The following USP37 variants were observed in gnomAD, a reference collection of about 807,000 sequenced individuals.
USP37 encodes the protein ubiquitin specific peptidase 37.
Under a neutral mutation model 124.0 loss-of-function variants are expected in USP37, and 27 were observed. The observed-to-expected ratio is 0.22, with a 90% CI of 0.16 to 0.30. USP37 has a LOEUF of 0.30. USP37 is among the 10% of genes least tolerant of loss of function. The probability of loss-of-function intolerance (pLI) is 1.00; values close to 1 mark genes in which losing one functional copy is unlikely to be tolerated. For missense variants in USP37, 889 were observed against 1,140.4 expected (o/e 0.78, Z 3.17); for synonymous variants, 365 against 388.0 (o/e 0.94, Z 0.70).
rs1483605537 is a variant in USP37 at position 218,454,890 on chromosome 2, CA to C, written c.*39del. Reference sequence around the variant, plus strand: ...GGAAAGGTGAGGTGGGCAGCAGTAACAAATATGCAGTGCATGCTGCCAACCC... The same window carrying C: ...GGAAAGGTGAGGTGGGCAGCAGTAACAATATGCAGTGCATGCTGCCAACCC... On this transcript the variant is annotated 3_prime_UTR_variant, in exon 26 of 26. Transcript: ENST00000258399. 1 of 1,605,334 alleles carries C rather than the reference CA, an allele frequency of 6.2e-7. No homozygotes were observed. The highest frequency in any genetic ancestry group is 2.2e-5 in the East Asian group (1 of 44,824).
chr2:218,484,453 C>T (rs1377707887), intron 16 of USP37, among the ~76,000 whole-genome samples: 3 of 151,946 alleles, frequency 2.0e-5, no homozygotes, highest in Non-Finnish European at 4.4e-5. Context: ...AAAACCCCGT[C>T]TCTACTAAAA....
chr2:218,460,872 C>T (rs750232312), intron 22 of USP37, among the ~76,000 whole-genome samples: 6 of 151,810 alleles, frequency 4.0e-5, no homozygotes, highest in African/African-American at 1.2e-4. Flanking sequence ...ACCCGGGAGG[C>T]GGAGGTTGCA....
chr2:218,464,330 C>T (rs972883757), intron 21 of USP37, among the ~76,000 whole-genome samples: 6 of 152,126 alleles, frequency 3.9e-5, no homozygotes, highest in Admixed American at 6.6e-5. Flanking sequence ...CTCCACCTCC[C>T]GGGTTCAAGC....
At chr2:218,561,151 T>C (rs1693291424) in intron 2 of USP37, among the ~76,000 whole-genome samples, 2 of 152,154 alleles carry the variant, frequency 1.3e-5, no homozygotes, top group Admixed American at 1.3e-4. Context: ...GCAATGTATA[T>C]CTGTAATACT....
chr2:218,497,896 T>C, intron 12 of USP37, 39 bp from the exon 13 acceptor site: 2 of 1,595,308 alleles, frequency 1.3e-6, no homozygotes, highest in Non-Finnish European at 1.7e-6. Flanking sequence ...ACGTTTTACA[T>C]GACATGGCGT....
At position 218,563,724 on chromosome 2, in the gene USP37, T is replaced by C. The variant is rs995554568; in HGVS notation, c.-229-911A>G. On this transcript the variant is annotated intron_variant, in intron 1 of 25. Coordinates refer to ENST00000258399, the MANE Select transcript of USP37 (RefSeq NM_020935.3). ...CTTTCAAGGCACCCTGGTAGGCATA[T>C]AGATGTGAAGATGATACAGTCCATG... Among the ~76,000 whole-genome samples the C allele has an allele frequency of 7.3e-4, 111 of 152,116 alleles. 6 individuals are homozygous for C. Among genetic ancestry groups the C allele is most frequent in the Non-Finnish European group, 2.9e-5 (2 of 68,012 alleles).
chr2:218,495,841 T>C lies in USP37; in HGVS notation c.1391A>G (p.Asp464Gly). ...EPVSGEENSP[D>G]ISATRAYTCP... ...AGTGTATGCTCTGGTAGCTGAAATA[T>C]CTGGTGAATTTTCTTCTCCAGAAAC... Residue 464 changes from aspartate (D) to glycine (G), a missense_variant, in exon 14 of 26, where the codon GAT becomes GGT. Asp to Gly is a moderately conservative substitution (Grantham distance 94, BLOSUM62 -1). This residue lies in a region of USP37 where 504 missense variants were observed against 714.3 expected (regional missense o/e 0.71). Coordinates refer to ENST00000258399, the MANE Select transcript of USP37 (RefSeq NM_020935.3). 1.2e-6 allele frequency: 2 copies of C among 1,614,064 alleles called. No homozygotes were observed. Among genetic ancestry groups the C allele is most frequent in the Non-Finnish European group, 1.7e-6 (2 of 1,180,036 alleles).
chr2:218,558,797 T>C (rs4674314), intron 3 of USP37, 120 bp from the exon 4 acceptor site: 244,541 of 722,036 alleles, frequency 0.34, 44,556 homozygotes, highest in Non-Finnish European at 0.39. Flanking sequence ...GCGCCTTCAT[T>C]TTCCCTTCTT....
At chr2:218,535,348 AGAGT>A (rs1559214462) in intron 8 of USP37, among the ~76,000 whole-genome samples, 1 of 151,438 alleles carries the variant, frequency 6.6e-6, no homozygotes, top group Non-Finnish European at 1.5e-5. Flanking sequence ...CTTGGGCAAC[AGAGT>A]GAGTCTTAGT....
intron 11 of USP37, among the ~76,000 whole-genome samples, chr2:218,499,798 TTGAGACAGG>T (rs1458246910): frequency 1.3e-5 from 2 of 152,216 alleles, no homozygotes; most frequent in Non-Finnish European, 2.9e-5. Context: ...ATTTTTGTTT[TTGAGACAGG>T]GTCTTGCTCT....
At chr2:218,512,807 T>C (rs1690073483) in intron 10 of USP37, among the ~76,000 whole-genome samples, 1 of 152,174 alleles carries the variant, frequency 6.6e-6, no homozygotes, top group African/African-American at 2.4e-5. Flanking sequence ...TTCTGCATCT[T>C]TATATTGTAG....
intron 22 of USP37, 125 bp from the exon 23 acceptor site, chr2:218,460,030 A>T: frequency 2.1e-6 from 1 of 482,374 alleles, no homozygotes; most frequent in Non-Finnish European, 3.7e-6. Context: ...CAGGAGTTCG[A>T]GACCAGCCTG....
chr2:218,526,535 A>ACAGTGTAT (rs1386805033), intron 10 of USP37, among the ~76,000 whole-genome samples: 1 of 152,164 alleles, frequency 6.6e-6, no homozygotes, highest in African/African-American at 2.4e-5. Context: ...ACTCCTACCA[A>ACAGTGTAT]CAGTGTATAC....
chr2:218,492,171 A>G (rs1425108991), intron 14 of USP37, among the ~76,000 whole-genome samples: 1 of 152,208 alleles, frequency 6.6e-6, no homozygotes, highest in Non-Finnish European at 1.5e-5. Context: ...ACTGCACTCT[A>G]GCCTGGGTGA....
chr2:218,538,406 G>C (rs1417035787), intron 8 of USP37, among the ~76,000 whole-genome samples: 1 of 152,190 alleles, frequency 6.6e-6, no homozygotes, highest in Non-Finnish European at 1.5e-5. Context: ...GAGGCATATG[G>C]ACAGACTTAT....
chr2:218,459,920 G>T lies in USP37; in HGVS notation c.2528-15C>A, dbSNP rs1465723869. ...GTTGTTAAACTCTGAAGAATACAAA[G>T]ACAAAATCTTATAAAAGTTCTTGGA... On this transcript the variant is annotated splice_polypyrimidine_tract_variant and intron_variant, in intron 22 of 25. Coordinates refer to ENST00000258399, the MANE Select transcript of USP37 (RefSeq NM_020935.3). 1.9e-6 allele frequency: 3 copies of T among 1,595,638 alleles called. No individual in the cohort carries two copies. The highest frequency in any genetic ancestry group is 1.1e-5 in the South Asian group (1 of 90,502).
At chr2:218,563,270 AAC>A (rs1299761507) in intron 1 of USP37, among the ~76,000 whole-genome samples, 1 of 152,180 alleles carries the variant, frequency 6.6e-6, no homozygotes, top group Non-Finnish European at 1.5e-5. Flanking sequence ...TATGATGCAC[AAC>A]ACACAGAGAC....
chr2:218,529,528 T>G (rs1012488748), intron 10 of USP37, among the ~76,000 whole-genome samples: 1 of 150,724 alleles, frequency 6.6e-6, no homozygotes, highest in East Asian at 1.9e-4. Flanking sequence ...GGAGCAGTGG[T>G]TCAACACTTA....
At chr2:218,516,778 A>T (rs573859640) in intron 10 of USP37, among the ~76,000 whole-genome samples, 3 of 151,340 alleles carry the variant, frequency 2.0e-5, no homozygotes, top group Non-Finnish European at 4.4e-5. Context: ...GCTTCAAGGT[A>T]CCCCCCCTAG....
Sources: allele counts gnomAD v4.1 joint callset (sites outside exome capture counted in the v4.1 genomes callset), GRCh38; gene constraint gnomAD v4.1.1; regional missense constraint gnomAD v4.1.1; transcripts MANE v1.5; gene names NCBI Gene and HGNC (gene_info 2026-07-23, HGNC 2026-07-21).